RPH3AL: variants seen among roughly 807,000 people sequenced by gnomAD.
RPH3AL encodes the protein rab effector Noc2.
In RPH3AL, 38 loss-of-function variants were observed where a neutral mutation model predicts 43.1. The observed-to-expected ratio is 0.88, with a 90% CI of 0.68 to 1.15. RPH3AL has a LOEUF of 1.15. Ranked by LOEUF, RPH3AL falls within the 50% of genes most tolerant of loss-of-function variation. The pLI is 0.00. For missense variants in RPH3AL, 462 were observed against 423.2 expected (o/e 1.09, Z -0.81); for synonymous variants, 189 against 176.3 (o/e 1.07, Z -0.57).
chr17:328,839 T>A lies in RPH3AL; in HGVS notation c.-36-1260A>T, dbSNP rs1195794605. The stretch of plus-strand genomic sequence containing the variant: ...TGAAGTGCTAATACCAGCTACAACA[T>A]GGATGAATCTTTAAAACATCCTAAG... On this transcript the variant is annotated intron_variant, in intron 2 of 9. Transcript: ENST00000331302. This position sits in a 1 kb window ranked among gnomAD's most constrained non-coding sequence, Gnocchi z 4.2. Among the ~76,000 whole-genome samples, 1 of 152,220 alleles carries A rather than the reference T, an allele frequency of 6.6e-6. No homozygotes were observed. Among genetic ancestry groups the A allele is most frequent in the East Asian group, 1.9e-4 (1 of 5,200 alleles).
rs59732087 is a variant in RPH3AL, at chr17:314,439, C to G, written c.351+4981G>C. On this transcript the variant is annotated intron_variant, in intron 5 of 9. Transcript: ENST00000331302. ...TCCACTGACATGTAGTCCCTCTGCC[C>G]CCACCTCCATTGACCTGTAGTCTCT... Among the ~76,000 whole-genome samples the G allele has an allele frequency of 1.4e-3, 190 of 134,926 alleles. 1 individual carries two copies. The highest frequency in any genetic ancestry group is 3.2e-3 in the Admixed American group (43 of 13,260). 88.5% of individuals were successfully genotyped at this position (134,926 alleles called of 152,430 possible).
chr17:296,032 G>A (rs577830419), intron 5 of RPH3AL, among the ~76,000 whole-genome samples: 4 of 142,990 alleles, frequency 2.8e-5, no homozygotes, highest in Admixed American at 2.7e-4. Flanking sequence ...ATGCACTTCA[G>A]TGTGGGAGGG....
In RPH3AL at chr17:266,879, G is replaced by A. The variant is rs563085855; in HGVS notation, c.438+14889C>T. 4.6e-5 allele frequency among the ~76,000 whole-genome samples: 7 copies of A among 152,336 alleles called. No individual in the cohort carries two copies. In the South Asian group the frequency reaches 8.3e-4, roughly 18 times the overall value. ...TACCGGTAAGGAGCATTTGCCAGTC[G>A]CAGAGGGAGGTGTTGCCCAACGCTG... On this transcript the variant is annotated intron_variant, in intron 6 of 9. Transcript: ENST00000331302.
chr17:224,428 G>A (rs1031116301), intron 7 of RPH3AL, among the ~76,000 whole-genome samples: 8 of 152,282 alleles, frequency 5.3e-5, no homozygotes, highest in South Asian at 4.1e-4. Context: ...CTGCCCACCC[G>A]TCTTCTCTTG....
chr17:231,186 CT>C (rs1297750572), intron 7 of RPH3AL, among the ~76,000 whole-genome samples: 8 of 152,342 alleles, frequency 5.3e-5, no homozygotes, highest in African/African-American at 1.9e-4. Flanking sequence ...CCCCAGGTCT[CT>C]CTGTCACATA....
chr17:259,709 G>A (rs759848076), intron 6 of RPH3AL, among the ~76,000 whole-genome samples: 4 of 152,240 alleles, frequency 2.6e-5, no homozygotes, highest in African/African-American at 4.8e-5. Context: ...CACAGCCGCC[G>A]TGGCGGTGGC....
At chr17:280,185 G>A (rs539330506) in intron 6 of RPH3AL, among the ~76,000 whole-genome samples, 59 of 152,314 alleles carry the variant, frequency 3.9e-4, no homozygotes, top group South Asian at 1.2e-3. Context: ...TCTGGGCTCC[G>A]AAGCAGACAG....
In RPH3AL at chr17:283,147, G is replaced by T. The variant is rs562332679; in HGVS notation, c.352-1293C>A. On this transcript the variant is annotated intron_variant, in intron 5 of 9. Coordinates refer to ENST00000331302, the MANE Select transcript of RPH3AL (RefSeq NM_006987.4). This position sits in a 1 kb window ranked among gnomAD's most constrained non-coding sequence, Gnocchi z 4.2. ...CACACGGAAGCCACCCGGTCCCTGCGTGGGTGGGGGCTCTCTGCAGCCCCC... is the reference window on the plus strand; with the variant it reads ...CACACGGAAGCCACCCGGTCCCTGCTTGGGTGGGGGCTCTCTGCAGCCCCC... Among the ~76,000 whole-genome samples the T allele has an allele frequency of 6.8e-6, 1 of 147,836 alleles. No homozygotes were observed. Among genetic ancestry groups the T allele is most frequent in the Non-Finnish European group, 1.5e-5 (1 of 67,030 alleles).
At chr17:247,417 C>T (rs2041794669) in intron 6 of RPH3AL, 132 bp from the exon 7 acceptor site, 1 of 895,392 alleles carries the variant, frequency 1.1e-6, no homozygotes, top group East Asian at 2.7e-5. Context: ...TGGCTCTGCC[C>T]TCCCTGGCTG....
chr17:349,756 A>C (rs1332514826), intron 1 of RPH3AL, among the ~76,000 whole-genome samples: 1 of 152,244 alleles, frequency 6.6e-6, no homozygotes, highest in African/African-American at 2.4e-5. Context: ...ATAACCTTCC[A>C]AAAATGTCTT....
rs1239953023 is a variant in RPH3AL, at chr17:215,407, G to A, written c.876+247C>T. On this transcript the variant is annotated intron_variant, in intron 9 of 9. Coordinates refer to ENST00000331302, the MANE Select transcript of RPH3AL (RefSeq NM_006987.4). This position sits in a 1 kb window ranked among gnomAD's most constrained non-coding sequence, Gnocchi z 4.1. ...GCCCGACACGTTTTATGTAGCAGAG[G>A]ATGGTAACCACTGCTGTGATTACCG... Among the ~76,000 whole-genome samples the A allele has an allele frequency of 6.6e-6, 1 of 152,224 alleles. No homozygotes were observed. The highest frequency in any genetic ancestry group is 2.4e-5 in the African/African-American group (1 of 41,460).
chr17:314,331 A>G (rs2043766541), intron 5 of RPH3AL, among the ~76,000 whole-genome samples: 2 of 152,124 alleles, frequency 1.3e-5, no homozygotes, highest in Non-Finnish European at 2.9e-5. Context: ...AGGAGGAAGC[A>G]CACTGCCAGC....
intron 5 of RPH3AL, among the ~76,000 whole-genome samples, chr17:313,150 T>C (rs992005586): frequency 6.6e-6 from 1 of 152,118 alleles, no homozygotes; most frequent in Admixed American, 6.5e-5. Flanking sequence ...TCCATCTGCT[T>C]AGAATACACT....
At chr17:265,060 C>T (rs548369231) in intron 6 of RPH3AL, among the ~76,000 whole-genome samples, 1 of 152,318 alleles carries the variant, frequency 6.6e-6, no homozygotes, top group South Asian at 2.1e-4. Context: ...CTGGGTGCCT[C>T]ATACTTTATG....
chr17:306,886 A>G (rs78405808), intron 5 of RPH3AL, among the ~76,000 whole-genome samples: 5 of 151,092 alleles, frequency 3.3e-5, no homozygotes. Context: ...ATGCCCCAGC[A>G]TAACCAGACT....
intron 6 of RPH3AL, among the ~76,000 whole-genome samples, chr17:260,827 C>A (rs1555546017): frequency 6.6e-6 from 1 of 152,176 alleles, no homozygotes; most frequent in East Asian, 1.9e-4. Context: ...CCCCCACCCC[C>A]ATCACCAGGC....
chr17:293,594 G>C (rs998156228), intron 5 of RPH3AL, among the ~76,000 whole-genome samples: 6 of 152,218 alleles, frequency 3.9e-5, no homozygotes, highest in African/African-American at 1.4e-4. Flanking sequence ...CAGGACACGG[G>C]AAACAGGAGG....
rs111744620 is a variant in RPH3AL, at chr17:282,540, A to T, written c.352-686T>A. Among the ~76,000 whole-genome samples the T allele has an allele frequency of 1.2e-4, 19 of 152,352 alleles. 1 individual carries two copies. Among genetic ancestry groups the T allele is most frequent in the African/African-American group, 4.6e-4 (19 of 41,572 alleles). Reference sequence around the variant, plus strand: ...GTCTGCTGATGTGCTGGGCCATCGAAGACCCCACGCCTGGGAGCTTCATGA... The same window carrying T: ...GTCTGCTGATGTGCTGGGCCATCGATGACCCCACGCCTGGGAGCTTCATGA... On this transcript the variant is annotated intron_variant, in intron 5 of 9. Coordinates refer to ENST00000331302, the MANE Select transcript of RPH3AL (RefSeq NM_006987.4).
intron 7 of RPH3AL, among the ~76,000 whole-genome samples, chr17:237,594 A>G (rs1425925676): frequency 1.3e-5 from 2 of 152,160 alleles, no homozygotes; most frequent in Non-Finnish European, 2.9e-5. Context: ...AAGGGCATGG[A>G]CGTGAGGAGG....
Sources: allele counts gnomAD v4.1 joint callset (sites outside exome capture counted in the v4.1 genomes callset), GRCh38; gene constraint gnomAD v4.1.1; non-coding constraint Gnocchi (gnomAD v3.1); transcripts MANE v1.5; gene names NCBI Gene and HGNC (gene_info 2026-07-23, HGNC 2026-07-21).